Variants in HECTD3 observed in about 807,000 individuals in gnomAD.
HECTD3 encodes E3 ubiquitin-protein ligase HECTD3.
A neutral mutation model predicts 109.3 loss-of-function variants in HECTD3; 72 were observed. The ratio of observed to expected loss-of-function variants is 0.66; its 90% CI spans 0.54 to 0.80. HECTD3 has a LOEUF of 0.80. HECTD3 is among the 30% of genes least tolerant of loss of function. HECTD3 has a pLI of 0.00. For missense variants in HECTD3, 1,041 were observed against 1,165.2 expected (o/e 0.89, Z 1.55); for synonymous variants, 481 against 471.8 (o/e 1.02, Z -0.25).
intron 5 of HECTD3, 26 bp from the exon 6 acceptor site, chr1:45,009,508 G>C: frequency 6.2e-7 from 1 of 1,607,714 alleles, no homozygotes; most frequent in South Asian, 1.1e-5. Context: ...GTGAATATGA[G>C]TCTTTGTGAA....
Position 45,004,141 on chromosome 1 carries a change from G to A in HECTD3, c.2273-7C>T, listed in dbSNP as rs199825235. 226 of 1,614,062 alleles carry A rather than the reference G, an allele frequency of 1.4e-4. No individual in the cohort carries two copies. The highest frequency in any genetic ancestry group is 3.0e-5 in the Non-Finnish European group (35 of 1,180,040). ...TCGAAGTCCTCAAACCGGGCTGGTG[G>A]AGACAAGGCCAGCATTCATTCTTGG... On this transcript the variant is annotated splice_region_variant and splice_polypyrimidine_tract_variant and intron_variant, in intron 17 of 20. Transcript: ENST00000372172.
At chr1:45,010,379 CTCTA>C in intron 2 of HECTD3, 86 bp from the exon 3 acceptor site, 1 of 1,479,228 alleles carries the variant, frequency 6.8e-7, no homozygotes, top group Non-Finnish European at 9.4e-7. Context: ...TTCTTCAGGG[CTCTA>C]TCTCCCAGTC....
Position 45,006,307 on chromosome 1 carries a change from TA to T in HECTD3, c.1726-192del. On this transcript the variant is annotated intron_variant, in intron 13 of 20. Transcript: ENST00000372172. This position sits in a 1 kb window ranked among gnomAD's most constrained non-coding sequence, Gnocchi z 4.7. ...CTCAGTCCCTCCTCTGCCCTATTTC[TA>T]TTTTTTTTTTTTTTTGAGACAGAGT... 4.0e-6 allele frequency: 2 copies of T among 503,280 alleles called. No individual in the cohort carries two copies. The highest frequency in any genetic ancestry group is 3.3e-6 in the Non-Finnish European group (1 of 299,322). The allele number at this position is 503,280 out of a possible 1,614,324, so 31.2% of individuals were successfully genotyped here.
At position 45,006,826 on chromosome 1, in the gene HECTD3, T is replaced by C; in HGVS notation, c.1622-31A>G. On this transcript the variant is annotated intron_variant, in intron 12 of 20. Transcript: ENST00000372172. The surrounding 1 kb of genome is among the most constrained non-coding windows in gnomAD (Gnocchi z 4.7). ...ATGACAGATGCCCTCAGCTGGGCACTCAAGAGCCCAGCTCCCATAATGGGG... is the reference window on the plus strand; with the variant it reads ...ATGACAGATGCCCTCAGCTGGGCACCCAAGAGCCCAGCTCCCATAATGGGG... 6.2e-7 allele frequency: 1 copy of C among 1,603,856 alleles called. No homozygotes were observed. Among genetic ancestry groups the C allele is most frequent in the Non-Finnish European group, 8.5e-7 (1 of 1,172,668 alleles).
At position 45,011,080 on chromosome 1, in the gene HECTD3, G is replaced by C. The variant is rs1183044960; in HGVS notation, c.178C>G (p.Arg60Gly). Residue 60 changes from arginine (R) to glycine (G), a missense_variant, in exon 1 of 21, where the codon CGC becomes GGC. By Grantham distance (125) the Arg-to-Gly change is moderately radical. Transcript: ENST00000372172. Reference sequence around the variant, plus strand: ...GCCTCCCACACCGGCAGAAGCACGCGCGACGGTCCCGCTGGGTCCTTGTAA... The same window carrying C: ...GCCTCCCACACCGGCAGAAGCACGCCCGACGGTCCCGCTGGGTCCTTGTAA... The part of the protein sequence containing the change: ...KLYKDPAGPS[R>G]VLLPVWEAEG... 2.1e-6 allele frequency: 3 copies of C among 1,462,734 alleles called. No homozygotes were observed. Among genetic ancestry groups the C allele is most frequent in the Non-Finnish European group, 2.7e-6 (3 of 1,110,798 alleles). The allele number at this position is 1,462,734 out of a possible 1,614,324, so 90.6% of individuals were successfully genotyped here. A position where few individuals can be genotyped will look rare whatever the true frequency, so the allele number is the denominator to read the frequency against.
Position 45,003,082 on chromosome 1 carries a change from T to C in HECTD3, c.*410A>G. 1 of 187,318 alleles carries C rather than the reference T, an allele frequency of 5.3e-6. No homozygotes were observed. Among genetic ancestry groups the C allele is most frequent in the South Asian group, 1.1e-4 (1 of 8,706 alleles). 11.6% of individuals were successfully genotyped at this position (187,318 alleles called of 1,614,324 possible). A position where few individuals can be genotyped will look rare whatever the true frequency, so the allele number is the denominator to read the frequency against. ...GAGGGGCCTCCACTAACCTCCAGTG[T>C]TTTATGTTTTTAGTTGTGAGTCATG... On this transcript the variant is annotated 3_prime_UTR_variant, in exon 21 of 21. Transcript: ENST00000372172. This position sits in a 1 kb window ranked among gnomAD's most constrained non-coding sequence, Gnocchi z 4.7.
At position 45,010,893 on chromosome 1, in the gene HECTD3, G is replaced by A. The variant is rs950684823; in HGVS notation, c.365C>T (p.Thr122Ile). 6.6e-7 allele frequency: 1 copy of A among 1,524,632 alleles called. No individual in the cohort carries two copies. The highest frequency in any genetic ancestry group is 8.7e-7 in the Non-Finnish European group (1 of 1,147,926). The allele number at this position is 1,524,632 out of a possible 1,614,324, so 94.4% of individuals were successfully genotyped here. A position where few individuals can be genotyped will look rare whatever the true frequency, so the allele number is the denominator to read the frequency against. The change falls in exon 1 of 21, where the codon ACA (threonine) becomes ATA (isoleucine). Residue 122 changes from threonine (T) to isoleucine (I), a missense_variant. Around this residue, in one of 2 missense-constraint regions of HECTD3, gnomAD observed 472 missense variants for 449.9 expected, o/e 1.05. Transcript: ENST00000372172. ...CCTGGGCAGGGAAGAGCGCACCTTT[G>A]TCAGCTTCACCCAGAGCCCGTGGCC... The part of the protein sequence containing the change: ...CNGHGLWVKL[T>I]KEQLAEHLGD...
At chr1:45,004,216 T>C in intron 17 of HECTD3, 32 bp downstream of exon 17, 1 of 1,613,622 alleles carries the variant, frequency 6.2e-7, no homozygotes, top group Non-Finnish European at 8.5e-7. Context: ...TGTGCTGTGC[T>C]GCCCTGCCCT....
rs757862598 is a variant in HECTD3, at chr1:45,003,658, A to G, written c.2501+11T>C. 1 of 1,613,990 alleles carries G rather than the reference A, an allele frequency of 6.2e-7. No homozygotes were observed. Among genetic ancestry groups the G allele is most frequent in the Non-Finnish European group, 8.5e-7 (1 of 1,179,974 alleles). On this transcript the variant is annotated intron_variant, in intron 20 of 20. Coordinates refer to ENST00000372172, the MANE Select transcript of HECTD3 (RefSeq NM_024602.6). The surrounding 1 kb of genome is among the most constrained non-coding windows in gnomAD (Gnocchi z 4.7). ...CCCTGGGCCCCAAATCGAGCCTAGG[A>G]AAAAACCCACCTGGCATAGTGTGGC...
In HECTD3 at chr1:45,010,997, C is replaced by T; in HGVS notation, c.261G>A (p.Gly87=). Residue 87 remains glycine (G), a synonymous_variant, in exon 1 of 21, where the codon GGG becomes GGA. Coordinates refer to ENST00000372172, the MANE Select transcript of HECTD3 (RefSeq NM_024602.6). ...AAGPAPGTGS[G]PLRAARDSIE... is the part of the protein sequence containing the mutation. ...TGCTGTCGCGGGCGGCGCGGAGGGG[C>T]CCGGAGCCGGTACCGGGGGCTGGGC... The T allele has an allele frequency of 1.4e-6, 2 of 1,468,368 alleles. No homozygotes were observed. Among genetic ancestry groups the T allele is most frequent in the Non-Finnish European group, 1.8e-6 (2 of 1,122,830 alleles). The allele number at this position is 1,468,368 out of a possible 1,614,324, so 91.0% of individuals were successfully genotyped here. A position where few individuals can be genotyped will look rare whatever the true frequency, so the allele number is the denominator to read the frequency against.
Position 45,010,248 on chromosome 1 carries a change from C to T in HECTD3, c.576G>A (p.Ser192=), listed in dbSNP as rs769906721. The change falls in exon 3 of 21, where the codon TCG becomes TCA. Residue 192 remains serine (S), a synonymous_variant. Coordinates refer to ENST00000372172, the MANE Select transcript of HECTD3 (RefSeq NM_024602.6). ...CGTATGCCTCTGCCGGCTGAGGTCTCGATCCCAGGCGATGTGAGTATGTCA... is the reference window on the plus strand; with the variant it reads ...CGTATGCCTCTGCCGGCTGAGGTCTTGATCCCAGGCGATGTGAGTATGTCA... ...VDLTYSHRLG[S]RPQPAEAYAE... 9 of 1,614,006 alleles carry T rather than the reference C, an allele frequency of 5.6e-6. No individual in the cohort carries two copies. Among genetic ancestry groups the T allele is most frequent in the South Asian group, 2.2e-5 (2 of 91,062 alleles).
rs181150006 is a variant in HECTD3 at position 45,008,494 on chromosome 1, T to C, written c.1238+42A>G. ...CCATGCAGACACACAAGGCTCAATG[T>C]TGGGGGAAGGGAAGGGCCCATAGGT... On this transcript the variant is annotated intron_variant, in intron 8 of 20. Coordinates refer to ENST00000372172, the MANE Select transcript of HECTD3 (RefSeq NM_024602.6). The C allele has an allele frequency of 3.8e-5, 61 of 1,597,424 alleles. No individual in the cohort carries two copies. In the African/African-American group the frequency reaches 6.6e-4, roughly 17 times the overall value.
intron 14 of HECTD3, 27 bp from the exon 15 acceptor site, chr1:45,005,910 T>C: frequency 6.2e-7 from 1 of 1,604,974 alleles, no homozygotes; most frequent in Non-Finnish European, 8.5e-7. Context: ...CCCCACTGTC[T>C]TCTCACCCTG....
At chr1:45,009,782 T>C (rs1447707582) in intron 4 of HECTD3, 99 bp from the exon 5 acceptor site, 2 of 1,145,348 alleles carry the variant, frequency 1.7e-6, no homozygotes, top group Non-Finnish European at 2.5e-6. Flanking sequence ...CATAGTGAAG[T>C]TGGGCTAACA....
rs573616905 is a variant in HECTD3, at chr1:45,004,106, G to C, written c.2301C>G (p.Asp767Glu). 1 of 1,614,096 alleles carries C rather than the reference G, an allele frequency of 6.2e-7. No homozygotes were observed. The highest frequency in any genetic ancestry group is 1.1e-5 in the South Asian group (1 of 91,080). The change falls in exon 18 of 21, where the codon GAC (aspartate) becomes GAG (glutamate). Residue 767 changes from aspartate (D) to glutamate (E), a missense_variant. By Grantham distance (45) the Asp-to-Glu change is conservative (BLOSUM62 2). This residue lies in a region of HECTD3 where 569 missense variants were observed against 715.3 expected (regional missense o/e 0.80). Transcript: ENST00000372172. Reference protein sequence around the residue: ...LTRFEDFEPSDSRVQYFWEAL... With the variant: ...LTRFEDFEPSESRVQYFWEAL... ...CCTCCCAGAAATACTGCACCCGCGA[G>C]TCAGATGGCTCGAAGTCCTCAAACC...
chr1:45,008,619 G>T lies in HECTD3; in HGVS notation c.1155C>A (p.Phe385Leu), dbSNP rs375823851. 6.2e-7 allele frequency: 1 copy of T among 1,613,962 alleles called. No individual in the cohort carries two copies. The highest frequency in any genetic ancestry group is 8.5e-7 in the Non-Finnish European group (1 of 1,179,912). ...QRELGLNADLFQPTSLVRYPR... is the reference protein window; with the variant it reads ...QRELGLNADLLQPTSLVRYPR... ...GATATCGCACCAGACTAGTTGGCTGGAACAGGTCTGCATTCAACCCTAGTT... is the reference window on the plus strand; with the variant it reads ...GATATCGCACCAGACTAGTTGGCTGTAACAGGTCTGCATTCAACCCTAGTT... The change falls in exon 8 of 21, where the codon TTC becomes TTA. Residue 385 changes from phenylalanine (F) to leucine (L), a missense_variant. Coordinates refer to ENST00000372172, the MANE Select transcript of HECTD3 (RefSeq NM_024602.6).
chr1:45,010,706 C>T lies in HECTD3; in HGVS notation c.370G>A (p.Glu124Lys), dbSNP rs1362982742. ...TCGCCCAGGTGCTCTGCCAGCTGCTCCTGCCGGGACGCGTAGGATGGGGAC... is the reference window on the plus strand; with the variant it reads ...TCGCCCAGGTGCTCTGCCAGCTGCTTCTGCCGGGACGCGTAGGATGGGGAC... ...GHGLWVKLTK[E>K]QLAEHLGDCG... Residue 124 changes from glutamate to lysine, a missense_variant and splice_region_variant, in exon 2 of 21, where the codon GAG (glutamate) becomes AAG (lysine). Glu to Lys is a moderately conservative substitution (Grantham distance 56, BLOSUM62 1). Transcript: ENST00000372172. 10 of 1,544,300 alleles carry T rather than the reference C, an allele frequency of 6.5e-6. No homozygotes were observed. Among genetic ancestry groups the T allele is most frequent in the South Asian group, 2.4e-5 (2 of 84,306 alleles).
chr1:45,003,711 G>C lies in HECTD3; in HGVS notation c.2459C>G (p.Ser820Cys). 6.2e-7 allele frequency: 1 copy of C among 1,614,128 alleles called. No homozygotes were observed. The highest frequency in any genetic ancestry group is 8.5e-7 in the Non-Finnish European group (1 of 1,180,016). ...GYETTDALPE[S>C]STCSSTLFLP... Reference sequence around the variant, plus strand: ...GAAGAGGGTGCTGGAGCAAGTGGAAGACTCGGGCAGCGCGTCTGTGGTCTC... The same window carrying C: ...GAAGAGGGTGCTGGAGCAAGTGGAACACTCGGGCAGCGCGTCTGTGGTCTC... The change falls in exon 20 of 21, where the codon TCT becomes TGT. Residue 820 changes from serine (S) to cysteine (C), a missense_variant. By Grantham distance (112) the Ser-to-Cys change is moderately radical (BLOSUM62 -1). Transcript: ENST00000372172. This position sits in a 1 kb window ranked among gnomAD's most constrained non-coding sequence, Gnocchi z 4.7.
chr1:45,004,424 C>A, intron 16 of HECTD3, 47 bp from the exon 17 acceptor site: 1 of 1,613,106 alleles, frequency 6.2e-7, no homozygotes, highest in African/African-American at 1.3e-5. Context: ...GGCACACCTC[C>A]CGCCTCACAC....
Sources: allele counts gnomAD v4.1 joint callset, GRCh38; gene constraint gnomAD v4.1.1; regional missense constraint gnomAD v4.1.1; non-coding constraint Gnocchi (gnomAD v3.1); transcripts MANE v1.5; gene names NCBI Gene and HGNC (gene_info 2026-07-23, HGNC 2026-07-21).